The following FRMD4A variants were observed in gnomAD, a reference collection of about 807,000 sequenced individuals.
FRMD4A encodes the protein FERM domain containing 4A.
FRMD4A carries 29 observed loss-of-function variants against 129.1 expected under a neutral mutation model. That is an observed-to-expected ratio of 0.22 (90% CI 0.17 to 0.31). The LOEUF (loss-of-function observed/expected upper bound fraction) is 0.31. FRMD4A is among the 10% of genes least tolerant of loss of function. The pLI, the probability that FRMD4A is intolerant of heterozygous loss-of-function variation, is 1.00. For synonymous variants in FRMD4A, 634 were observed against 571.6 expected (o/e 1.11, Z -1.56); for missense variants, 1,272 against 1,375.8 (o/e 0.92, Z 1.19).
At chr10:14,065,373 C>G (rs910307351) in intron 2 of FRMD4A, among the ~76,000 whole-genome samples, 2 of 152,120 alleles carry the variant, frequency 1.3e-5, no homozygotes, top group South Asian at 2.1e-4. Context: ...TTAGTAGAGA[C>G]AGGGTTTCAC....
intron 2 of FRMD4A, among the ~76,000 whole-genome samples, chr10:13,993,002 G>GTAATGACTAGC (rs1347011472): frequency 7.4e-6 from 1 of 134,754 alleles, no homozygotes; most frequent in East Asian, 2.2e-4. Flanking sequence ...AGAGATTAAA[G>GTAATGACTAGC]TAATGACTAG....
chr10:13,752,476 C>G (rs1475058097), intron 8 of FRMD4A, among the ~76,000 whole-genome samples: 1 of 152,166 alleles, frequency 6.6e-6, no homozygotes, highest in Non-Finnish European at 1.5e-5. Context: ...GAAAGTCCCC[C>G]TGGGTCAAAT....
intron 5 of FRMD4A, among the ~76,000 whole-genome samples, chr10:13,793,030 T>C (rs2093037215): frequency 6.6e-6 from 1 of 152,260 alleles, no homozygotes; most frequent in African/African-American, 2.4e-5. Context: ...GTTTTGCATA[T>C]GTATTATATC....
intron 12 of FRMD4A, chr10:13,711,983 A>G (rs1299116920): frequency 6.6e-6 from 1 of 152,254 alleles, no homozygotes; most frequent in Non-Finnish European, 1.5e-5. Context: ...TTACAAGTGG[A>G]ATGATTTTTA....
At chr10:14,299,249 T>C (rs1214789517) in intron 2 of FRMD4A, among the ~76,000 whole-genome samples, 1 of 152,218 alleles carries the variant, frequency 6.6e-6, no homozygotes, top group African/African-American at 2.4e-5. Flanking sequence ...TGCTTTGCTT[T>C]GTTCCAGGTG....
chr10:13,737,876 A>G lies in FRMD4A; in HGVS notation c.727T>C (p.Tyr243His). 6.2e-7 allele frequency: 1 copy of G among 1,606,348 alleles called. No homozygotes were observed. Among genetic ancestry groups the G allele is most frequent in the Non-Finnish European group, 8.5e-7 (1 of 1,173,114 alleles). ...GGCTTCACTTTATCATGGTAGTCATACTGGAAGATCCCTTTGTAGCTCAGG... is the reference window on the plus strand; with the variant it reads ...GGCTTCACTTTATCATGGTAGTCATGCTGGAAGATCCCTTTGTAGCTCAGG... ...LGLSYKGIFQYDYHDKVKPRK... is the reference protein window; with the variant it reads ...LGLSYKGIFQHDYHDKVKPRK... The change falls in exon 12 of 25, where the codon TAT becomes CAT. Residue 243 changes from tyrosine (Y) to histidine (H), a missense_variant. By Grantham distance (83) the Tyr-to-His change is moderately conservative (BLOSUM62 2). Coordinates refer to ENST00000357447, the MANE Select transcript of FRMD4A (RefSeq NM_018027.5).
intron 2 of FRMD4A, among the ~76,000 whole-genome samples, chr10:13,881,022 T>C (rs7075790): frequency 0.028 from 4,300 of 152,122 alleles, 188 homozygotes; most frequent in African/African-American, 0.097. Context: ...TGTTGAATGA[T>C]TGAATGGGTG....
Position 13,666,232 on chromosome 10 carries a change from TGCTGAC to T in FRMD4A, c.1462_1467del (p.Val488_Ser489del). The T allele has an allele frequency of 6.2e-7, 1 of 1,614,144 alleles. No individual in the cohort carries two copies. The highest frequency in any genetic ancestry group is 8.5e-7 in the Non-Finnish European group (1 of 1,179,952). On this transcript the variant is annotated inframe_deletion, in exon 18 of 25. Coordinates refer to ENST00000357447, the MANE Select transcript of FRMD4A (RefSeq NM_018027.5). ...GTTTTCCTTTGTTTCTTCAGTTTTT[TGCTGAC>T]GTTGGGGTCACTGGCTAGGCGGCGG...
At chr10:13,830,610 C>T (rs758739522) in intron 3 of FRMD4A, among the ~76,000 whole-genome samples, 1 of 152,198 alleles carries the variant, frequency 6.6e-6, no homozygotes, top group Non-Finnish European at 1.5e-5. Context: ...CAAGGCGACA[C>T]GTTAATGTAA....
chr10:13,888,649 A>T (rs2094654985), intron 2 of FRMD4A, among the ~76,000 whole-genome samples: 1 of 152,212 alleles, frequency 6.6e-6, no homozygotes, highest in Non-Finnish European at 1.5e-5. Flanking sequence ...TGCTTCTAAG[A>T]TGCTGAGATT....
intron 2 of FRMD4A, among the ~76,000 whole-genome samples, chr10:14,006,264 G>A (rs996002679): frequency 3.9e-5 from 6 of 152,314 alleles, no homozygotes; most frequent in South Asian, 2.1e-4. Flanking sequence ...TGTGCAGCGC[G>A]GGAGGGCCCC....
In FRMD4A at chr10:13,933,475, G is replaced by A. The variant is rs537221031; in HGVS notation, c.46-74563C>T. On this transcript the variant is annotated intron_variant, in intron 2 of 24. Transcript: ENST00000357447. Reference sequence around the variant, plus strand: ...TCATTCCTTCCTTGCTTGTTTATGCGTTTTGTCCCATTGTTTGTTCAAGAT... The same window carrying A: ...TCATTCCTTCCTTGCTTGTTTATGCATTTTGTCCCATTGTTTGTTCAAGAT... Among the ~76,000 whole-genome samples, 24 of 152,056 alleles carry A rather than the reference G, an allele frequency of 1.6e-4. No homozygotes were observed. The South Asian group carries it at 4.0e-3, about 25-fold the overall frequency.
intron 5 of FRMD4A, among the ~76,000 whole-genome samples, chr10:13,787,930 A>T (rs1052215245): frequency 3.3e-5 from 5 of 152,046 alleles, no homozygotes; most frequent in African/African-American, 1.2e-4. Flanking sequence ...CCTCAGCAGT[A>T]GGTGGCAATG....
intron 8 of FRMD4A, among the ~76,000 whole-genome samples, chr10:13,757,043 G>A (rs1226634157): frequency 6.6e-6 from 1 of 152,178 alleles, no homozygotes; most frequent in African/African-American, 2.4e-5. Flanking sequence ...ACCCTGCACT[G>A]TTTACGATGA....
chr10:14,180,757 G>A (rs1287073295), intron 2 of FRMD4A, among the ~76,000 whole-genome samples: 1 of 152,214 alleles, frequency 6.6e-6, no homozygotes, highest in Admixed American at 6.5e-5. Flanking sequence ...AAAATTTCAA[G>A]TTCTTCCAAT....
At chr10:13,922,657 G>T (rs561119812) in intron 2 of FRMD4A, among the ~76,000 whole-genome samples, 40 of 152,264 alleles carry the variant, frequency 2.6e-4, no homozygotes, top group Non-Finnish European at 5.1e-4. Flanking sequence ...CTAATGACAA[G>T]ATCATACTGC....
intron 3 of FRMD4A, among the ~76,000 whole-genome samples, chr10:13,831,311 G>C (rs986249657): frequency 1.2e-4 from 19 of 152,180 alleles, no homozygotes; most frequent in African/African-American, 4.6e-4. Flanking sequence ...GGCCAGGTAT[G>C]GTGGTGTATA....
At chr10:14,149,400 C>T (rs977288907) in intron 2 of FRMD4A, among the ~76,000 whole-genome samples, 3 of 151,980 alleles carry the variant, frequency 2.0e-5, no homozygotes, top group Non-Finnish European at 2.9e-5. Flanking sequence ...AGTGCAGTGG[C>T]ATGATCATAG....
chr10:13,760,765 C>A (rs2092038510), intron 8 of FRMD4A, among the ~76,000 whole-genome samples: 2 of 152,058 alleles, frequency 1.3e-5, no homozygotes, highest in South Asian at 4.1e-4. Context: ...TGCTAATTTC[C>A]TGTTAATGGG....
Sources: gnomAD v4.1 joint callset for allele counts (sites outside exome capture counted in the v4.1 genomes callset) on GRCh38, gnomAD v4.1.1 for gene constraint, MANE v1.5 for transcripts, NCBI Gene and HGNC (gene_info 2026-07-23, HGNC 2026-07-21) for gene names.